Variants in EPN2 observed in about 807,000 individuals in gnomAD.
The protein encoded by EPN2 is epsin-2.
Under a neutral mutation model 61.7 loss-of-function variants are expected in EPN2, and 34 were observed. That is an observed-to-expected ratio of 0.55 (90% CI 0.42 to 0.73). EPN2 has a LOEUF of 0.73. Among genes scored for constraint, EPN2 ranks in the 30% least tolerant of loss-of-function variants. The pLI is 0.00. For missense variants in EPN2, 714 were observed against 839.2 expected (o/e 0.85, Z 1.84); for synonymous variants, 349 against 353.6 (o/e 0.99, Z 0.15).
chr17:19,245,753 C>T (rs939259958), intron 1 of EPN2, among the ~76,000 whole-genome samples: 6 of 151,684 alleles, frequency 4.0e-5, no homozygotes, highest in African/African-American at 1.5e-4. Context: ...ACCTCCATCT[C>T]CTGGGCTCAA....
At chr17:19,298,813 A>G (rs1315541569) in intron 4 of EPN2, among the ~76,000 whole-genome samples, 3 of 152,372 alleles carry the variant, frequency 2.0e-5, no homozygotes, top group African/African-American at 7.2e-5. Context: ...TGCACTTCAC[A>G]TACCAGCTTG....
At chr17:19,323,640 A>G (rs1268426338) in intron 7 of EPN2, among the ~76,000 whole-genome samples, 1 of 152,256 alleles carries the variant, frequency 6.6e-6, no homozygotes, top group Non-Finnish European at 1.5e-5. Context: ...TCTGAGTGGC[A>G]TAGAGTCTTC....
intron 1 of EPN2, among the ~76,000 whole-genome samples, chr17:19,239,745 C>T (rs1052536398): frequency 1.3e-5 from 2 of 152,172 alleles, no homozygotes; most frequent in African/African-American, 4.8e-5. Flanking sequence ...CTGAGCTGGC[C>T]AGATGGAGAG....
At position 19,335,531 on chromosome 17, in the gene EPN2, G is replaced by A; in HGVS notation, c.*1277G>A. ...CTCAGGCTAAAGATGGGGATAATGT[G>A]GAAATGGCAGTTGTCCCGAGGGCGT... On this transcript the variant is annotated 3_prime_UTR_variant, in exon 11 of 11. Transcript: ENST00000314728. 6.7e-7 allele frequency: 1 copy of A among 1,503,530 alleles called. No individual in the cohort carries two copies. Among genetic ancestry groups the A allele is most frequent in the East Asian group, 2.5e-5 (1 of 40,180 alleles). 93.1% of individuals were successfully genotyped at this position (1,503,530 alleles called of 1,614,324 possible).
intron 1 of EPN2, among the ~76,000 whole-genome samples, chr17:19,246,318 C>T (rs763256079): frequency 5.7e-4 from 86 of 152,156 alleles, no homozygotes; most frequent in Non-Finnish European, 9.8e-4. Context: ...GATCATGCCA[C>T]TGCACTCCAG....
chr17:19,291,502 A>G (rs928780990), intron 4 of EPN2, among the ~76,000 whole-genome samples: 3 of 125,448 alleles, frequency 2.4e-5, no homozygotes, highest in Non-Finnish European at 4.6e-5. Context: ...CAGTGGCGCT[A>G]TCTTGGCTCA....
At chr17:19,320,509 A>G (rs1011833437) in intron 7 of EPN2, among the ~76,000 whole-genome samples, 4 of 152,148 alleles carry the variant, frequency 2.6e-5, no homozygotes, top group African/African-American at 9.7e-5. Flanking sequence ...TTTCTTATGC[A>G]TCCTGTCTGC....
At chr17:19,284,161 G>A (rs2045383153) in intron 3 of EPN2, among the ~76,000 whole-genome samples, 1 of 152,180 alleles carries the variant, frequency 6.6e-6, no homozygotes, top group African/African-American at 2.4e-5. Flanking sequence ...CTGAGCTTCA[G>A]GTCTCTTGAA....
intron 4 of EPN2, among the ~76,000 whole-genome samples, chr17:19,286,876 G>C (rs904510475): frequency 6.6e-6 from 1 of 152,152 alleles, no homozygotes; most frequent in Non-Finnish European, 1.5e-5. Flanking sequence ...AAAAGCATTC[G>C]TTAAAGGGTC....
At chr17:19,273,842 T>C (rs1214046177) in intron 1 of EPN2, among the ~76,000 whole-genome samples, 1 of 152,236 alleles carries the variant, frequency 6.6e-6, no homozygotes, top group African/African-American at 2.4e-5. Flanking sequence ...GGCTTTAAGT[T>C]ATTGCTAGCG....
At chr17:19,267,041 G>A (rs372778150) in intron 1 of EPN2, among the ~76,000 whole-genome samples, 5 of 150,136 alleles carry the variant, frequency 3.3e-5, no homozygotes, top group East Asian at 2.1e-4. Context: ...GGGTTTCCCC[G>A]TGTTAGCCAG....
intron 1 of EPN2, among the ~76,000 whole-genome samples, chr17:19,240,966 C>T (rs1487760905): frequency 6.6e-6 from 1 of 152,156 alleles, no homozygotes; most frequent in Non-Finnish European, 1.5e-5. Flanking sequence ...ACTGTTGGTT[C>T]AGCAATTGTG....
chr17:19,283,808 C>A lies in EPN2; in HGVS notation c.595+94C>A. 1.1e-6 allele frequency: 1 copy of A among 917,134 alleles called. No individual in the cohort carries two copies. Among genetic ancestry groups the A allele is most frequent in the Non-Finnish European group, 1.6e-6 (1 of 624,652 alleles). The allele number at this position is 917,134 out of a possible 1,614,324, so 56.8% of individuals were successfully genotyped here. A position where few individuals can be genotyped will look rare whatever the true frequency, so the allele number is the denominator to read the frequency against. On this transcript the variant is annotated intron_variant, in intron 3 of 10. Transcript: ENST00000314728. This position sits in a 1 kb window ranked among gnomAD's most constrained non-coding sequence, Gnocchi z 7.0. ...CTCTGGGCTTAGGGAGTGGTGGCCA[C>A]TGCAGAGCTCGAACCTGTCCTCAGT... is the stretch of plus-strand genomic sequence containing the variant.
intron 1 of EPN2, among the ~76,000 whole-genome samples, chr17:19,238,914 G>A (rs184868930): frequency 4.0e-4 from 61 of 152,254 alleles, no homozygotes; most frequent in Admixed American, 1.2e-3. Flanking sequence ...GTAATATAAC[G>A]AAGATTTGGC....
At position 19,320,212 on chromosome 17, in the gene EPN2, C is replaced by T. The variant is rs1906578741; in HGVS notation, c.1147+6933C>T. 2.0e-5 allele frequency among the ~76,000 whole-genome samples: 3 copies of T among 152,248 alleles called. No homozygotes were observed. In the South Asian group the frequency reaches 6.2e-4, roughly 31 times the overall value. ...TCAGGGGATGTGGTCACCCCGTCCT[C>T]AGGCCTGCCTCTTGCCCTCTTGCCA... On this transcript the variant is annotated intron_variant, in intron 7 of 10. Coordinates refer to ENST00000314728, the MANE Select transcript of EPN2 (RefSeq NM_014964.5).
chr17:19,314,912 G>A (rs1906314801), intron 7 of EPN2, among the ~76,000 whole-genome samples: 1 of 152,246 alleles, frequency 6.6e-6, no homozygotes, highest in African/African-American at 2.4e-5. Flanking sequence ...AGTCTGTAAA[G>A]TGATGGCCAC....
intron 1 of EPN2, among the ~76,000 whole-genome samples, chr17:19,278,815 A>G (rs1053115128): frequency 6.6e-6 from 1 of 152,056 alleles, no homozygotes; most frequent in Non-Finnish European, 1.5e-5. Flanking sequence ...TGCCTGGCTA[A>G]TTTTTATATT....
intron 7 of EPN2, among the ~76,000 whole-genome samples, chr17:19,318,867 T>G (rs965942671): frequency 6.6e-6 from 1 of 152,042 alleles, no homozygotes; most frequent in African/African-American, 2.4e-5. Context: ...GTGGAGATAC[T>G]GCACATATTG....
intron 4 of EPN2, 69 bp from the exon 5 acceptor site, chr17:19,309,816 A>G: frequency 7.9e-7 from 1 of 1,271,690 alleles, no homozygotes; most frequent in Non-Finnish European, 1.1e-6. Flanking sequence ...TGGTCTGCCC[A>G]GGAAACTGCT....
Sources: gnomAD v4.1 joint callset for allele counts (sites outside exome capture counted in the v4.1 genomes callset) on GRCh38, gnomAD v4.1.1 for gene constraint, Gnocchi (gnomAD v3.1) non-coding constraint, MANE v1.5 for transcripts, NCBI Gene and HGNC (gene_info 2026-07-23, HGNC 2026-07-21) for gene names.